ANGPT1: variants seen among roughly 807,000 people sequenced by gnomAD.
The protein encoded by ANGPT1 is angiopoietin 1.
A neutral mutation model predicts 62.2 loss-of-function variants in ANGPT1; 17 were observed. The observed-to-expected ratio is 0.27, with a 90% CI of 0.19 to 0.41. The LOEUF is 0.41. Among genes scored for constraint, ANGPT1 ranks in the 10% least tolerant of loss-of-function variants. The probability of loss-of-function intolerance (pLI) is 1.00; values close to 1 mark genes in which losing one functional copy is unlikely to be tolerated. For synonymous variants in ANGPT1, 199 were observed against 198.9 expected (o/e 1.00, Z 0.00); for missense variants, 478 against 594.9 (o/e 0.80, Z 2.04).
chr8:107,313,429 G>GTTTTTTTTTTTTTTTTTTTTTT (rs71308720), intron 4 of ANGPT1, among the ~76,000 whole-genome samples: 1 of 64,182 alleles, frequency 1.6e-5, no homozygotes, highest in Non-Finnish European at 2.7e-5. Context: ...GTTACTAGTT[G>GTTTTTTTTTTTTTTTTTTTTTT]TTTTTTTTTT....
chr8:107,318,232 T>G lies in ANGPT1; in HGVS notation c.808+3664A>C, dbSNP rs1425135906. ...CTTACAAAGTGGATGCAATTCAGTT[T>G]GAATTGACTATTTGCCTAAGACACC... On this transcript the variant is annotated intron_variant, in intron 4 of 8. Transcript: ENST00000517746. Among the ~76,000 whole-genome samples, 3 of 152,220 alleles carry G rather than the reference T, an allele frequency of 2.0e-5. No homozygotes were observed. The East Asian group carries it at 5.8e-4, about 29-fold the overall frequency.
At chr8:107,346,584 C>A (rs1586243524) in intron 2 of ANGPT1, among the ~76,000 whole-genome samples, 2 of 152,182 alleles carry the variant, frequency 1.3e-5, no homozygotes, top group Admixed American at 1.3e-4. Flanking sequence ...TTACCAGAGA[C>A]AAAACAAAAC....
At chr8:107,388,065 T>C (rs576564944) in intron 1 of ANGPT1, among the ~76,000 whole-genome samples, 1 of 151,590 alleles carries the variant, frequency 6.6e-6, no homozygotes, top group Non-Finnish European at 1.5e-5. Flanking sequence ...TATAATGAGA[T>C]GAAAATTTTT....
intron 5 of ANGPT1, 126 bp from the exon 6 acceptor site, chr8:107,294,163 G>T: frequency 3.4e-6 from 2 of 587,150 alleles, no homozygotes; most frequent in Non-Finnish European, 2.9e-6. Flanking sequence ...TTACTATATT[G>T]AACAATGTTA....
In ANGPT1 at chr8:107,258,972, T is replaced by C. The variant is rs111275513; in HGVS notation, c.1336+5249A>G. ...ACTAAACCAATATTTATTGAACATA[T>C]GCTATCTGCCACACACTATGGCAGC... On this transcript the variant is annotated intron_variant, in intron 8 of 8. Transcript: ENST00000517746. Among the ~76,000 whole-genome samples the C allele has an allele frequency of 3.3e-3, 505 of 152,306 alleles. 1 individual carries two copies. Among genetic ancestry groups the C allele is most frequent in the African/African-American group, 0.011 (475 of 41,576 alleles).
At chr8:107,306,863 A>G (rs1814730325) in intron 4 of ANGPT1, among the ~76,000 whole-genome samples, 1 of 151,978 alleles carries the variant, frequency 6.6e-6, no homozygotes, top group South Asian at 2.1e-4. Flanking sequence ...TGGGCAGTAC[A>G]GTGAGACCAT....
At chr8:107,315,557 C>T (rs1258175247) in intron 4 of ANGPT1, among the ~76,000 whole-genome samples, 3 of 152,080 alleles carry the variant, frequency 2.0e-5, no homozygotes, top group Non-Finnish European at 4.4e-5. Context: ...AAAGAACATC[C>T]TTCATAACTG....
At chr8:107,491,228 G>C (rs1188534780) in intron 1 of ANGPT1, among the ~76,000 whole-genome samples, 1 of 151,946 alleles carries the variant, frequency 6.6e-6, no homozygotes, top group Non-Finnish European at 1.5e-5. Flanking sequence ...TAGTGTCTAT[G>C]AAAATAGAGA....
At chr8:107,377,130 C>G (rs986567553) in intron 1 of ANGPT1, among the ~76,000 whole-genome samples, 2 of 152,108 alleles carry the variant, frequency 1.3e-5, no homozygotes, top group Non-Finnish European at 2.9e-5. Context: ...AATAAAGGGC[C>G]ATTTGTTTCA....
chr8:107,487,082 T>C (rs114576274), intron 1 of ANGPT1, among the ~76,000 whole-genome samples: 1,827 of 152,194 alleles, frequency 0.012, 27 homozygotes, highest in African/African-American at 0.042. Context: ...GACACTGCTA[T>C]AGTCCCCCGT....
At chr8:107,326,122 C>T (rs894897054) in intron 3 of ANGPT1, among the ~76,000 whole-genome samples, 11 of 151,846 alleles carry the variant, frequency 7.2e-5, no homozygotes, top group Non-Finnish European at 1.5e-5. Context: ...CAAAAGATAC[C>T]CATATAGTTT....
intron 1 of ANGPT1, among the ~76,000 whole-genome samples, chr8:107,465,170 A>G (rs1454001995): frequency 6.6e-6 from 1 of 152,146 alleles, no homozygotes; most frequent in East Asian, 1.9e-4. Context: ...AGAATTCAGA[A>G]TGCTCTAAGA....
chr8:107,341,363 C>G (rs940535206), intron 2 of ANGPT1, among the ~76,000 whole-genome samples: 5 of 151,808 alleles, frequency 3.3e-5, no homozygotes, highest in Non-Finnish European at 7.4e-5. Flanking sequence ...CAAAACAGCC[C>G]AGTTTCTTAA....
intron 1 of ANGPT1, among the ~76,000 whole-genome samples, chr8:107,378,176 T>G (rs1021496728): frequency 6.6e-6 from 1 of 152,222 alleles, no homozygotes; most frequent in Non-Finnish European, 1.5e-5. Flanking sequence ...CACACTTGAA[T>G]TTTTTGGTTT....
At chr8:107,419,082 C>T (rs1021320648) in intron 1 of ANGPT1, among the ~76,000 whole-genome samples, 1 of 152,070 alleles carries the variant, frequency 6.6e-6, no homozygotes, top group Non-Finnish European at 1.5e-5. Flanking sequence ...CGGTCATGAT[C>T]CCCCTTCAGC....
At chr8:107,298,782 G>A (rs780087930) in intron 5 of ANGPT1, among the ~76,000 whole-genome samples, 29 of 151,214 alleles carry the variant, frequency 1.9e-4, no homozygotes, top group Non-Finnish European at 3.1e-4. Context: ...TTATTTTTTC[G>A]TCCATACCAT....
chr8:107,288,966 G>C (rs1233230401), intron 6 of ANGPT1, among the ~76,000 whole-genome samples: 5 of 152,088 alleles, frequency 3.3e-5, no homozygotes, highest in Non-Finnish European at 7.4e-5. Context: ...ATGAAATTCT[G>C]TGCTGATATT....
intron 1 of ANGPT1, among the ~76,000 whole-genome samples, chr8:107,384,382 C>T (rs554889252): frequency 1.3e-5 from 2 of 152,004 alleles, no homozygotes; most frequent in African/African-American, 2.4e-5. Flanking sequence ...CCTACACAGA[C>T]ATTGCATATA....
At chr8:107,427,995 C>G (rs991173810) in intron 1 of ANGPT1, among the ~76,000 whole-genome samples, 3 of 152,114 alleles carry the variant, frequency 2.0e-5, no homozygotes, top group Admixed American at 2.0e-4. Flanking sequence ...AAAGGGATCC[C>G]TGCGTTACAA....
Sources: allele counts gnomAD v4.1 joint callset (sites outside exome capture counted in the v4.1 genomes callset), GRCh38; gene constraint gnomAD v4.1.1; transcripts MANE v1.5; gene names NCBI Gene and HGNC (gene_info 2026-07-23, HGNC 2026-07-21).